CADM2: variants seen among roughly 807,000 people sequenced by gnomAD.
CADM2 encodes immunoglobulin superfamily member 4D.
Under a neutral mutation model 49.8 loss-of-function variants are expected in CADM2, and 12 were observed. The observed-to-expected ratio is 0.24, with a 90% confidence interval of 0.15 to 0.39. The LOEUF (loss-of-function observed/expected upper bound fraction) is 0.39. Ranked by LOEUF, CADM2 falls within the 10% of genes least tolerant of loss-of-function variation. CADM2 has a pLI of 1.00. For synonymous variants in CADM2, 214 were observed against 175.4 expected (o/e 1.22, Z -1.74); for missense variants, 378 against 492.3 (o/e 0.77, Z 2.20).
chr3:85,197,468 T>C (rs1033291613), intron 1 of CADM2, among the ~76,000 whole-genome samples: 5 of 151,982 alleles, frequency 3.3e-5, no homozygotes, highest in Non-Finnish European at 4.4e-5. Flanking sequence ...AAATACACTA[T>C]CTGAGATATC....
intron 1 of CADM2, among the ~76,000 whole-genome samples, chr3:85,571,647 C>T (rs2107246031): frequency 6.6e-6 from 1 of 152,176 alleles, no homozygotes; most frequent in East Asian, 1.9e-4. Context: ...CTAAGCTAAA[C>T]TTATTTTTCT....
intron 1 of CADM2, among the ~76,000 whole-genome samples, chr3:85,134,969 T>A (rs2039369973): frequency 6.6e-6 from 1 of 152,020 alleles, no homozygotes; most frequent in African/African-American, 2.4e-5. Context: ...ATGGAATGGA[T>A]TATACTTGTT....
chr3:85,525,130 G>C (rs1048570459), intron 1 of CADM2, among the ~76,000 whole-genome samples: 1 of 152,044 alleles, frequency 6.6e-6, no homozygotes, highest in Non-Finnish European at 1.5e-5. Flanking sequence ...CGTTCTGCAC[G>C]TGTATCCCAG....
chr3:84,981,627 T>G (rs1434707890), intron 1 of CADM2, among the ~76,000 whole-genome samples: 3 of 152,042 alleles, frequency 2.0e-5, no homozygotes, highest in Admixed American at 6.6e-5. Flanking sequence ...CTATCTTTCT[T>G]TCCTTTCCTC....
intron 5 of CADM2, among the ~76,000 whole-genome samples, chr3:85,888,801 C>A (rs942806661): frequency 2.4e-4 from 36 of 152,202 alleles, no homozygotes; most frequent in African/African-American, 6.5e-4. Context: ...ATATGCTAAG[C>A]AAAATTTCAC....
chr3:85,798,104 G>A (rs924746485), intron 2 of CADM2, among the ~76,000 whole-genome samples: 1 of 151,990 alleles, frequency 6.6e-6, no homozygotes, highest in Non-Finnish European at 1.5e-5. Flanking sequence ...CTTTTTGATG[G>A]GGTCGTTTGT....
chr3:84,993,595 G>T (rs1413650916), intron 1 of CADM2, among the ~76,000 whole-genome samples: 1 of 152,078 alleles, frequency 6.6e-6, no homozygotes, highest in Non-Finnish European at 1.5e-5. Context: ...AAAAGGGTTT[G>T]TTTTTTCCAC....
intron 1 of CADM2, among the ~76,000 whole-genome samples, chr3:85,624,514 G>A (rs569223887): frequency 2.0e-5 from 3 of 151,990 alleles, no homozygotes; most frequent in East Asian, 3.9e-4. Context: ...TGTATTTTTG[G>A]TAGAAGTGGG....
chr3:84,974,273 G>A (rs1193293496), intron 1 of CADM2, among the ~76,000 whole-genome samples: 3 of 151,666 alleles, frequency 2.0e-5, no homozygotes, highest in African/African-American at 7.3e-5. Context: ...AATGATGGTG[G>A]TCTAGCATTT....
intron 1 of CADM2, among the ~76,000 whole-genome samples, chr3:85,562,693 T>TG (rs1462522720): frequency 6.6e-6 from 1 of 152,016 alleles, no homozygotes; most frequent in Non-Finnish European, 1.5e-5. Flanking sequence ...TCTTTGGAGA[T>TG]GGGGGGAGCT....
At chr3:85,949,053 A>G (rs755129031) in intron 7 of CADM2, among the ~76,000 whole-genome samples, 12 of 151,478 alleles carry the variant, frequency 7.9e-5, no homozygotes, top group Non-Finnish European at 1.5e-4. Context: ...ACCATGCAGA[A>G]ACAACATTGA....
At chr3:85,421,157 C>T (rs1484630237) in intron 1 of CADM2, among the ~76,000 whole-genome samples, 1 of 152,104 alleles carries the variant, frequency 6.6e-6, no homozygotes, top group Non-Finnish European at 1.5e-5. Flanking sequence ...GAATTTTAGG[C>T]TGCAAGACAG....
chr3:85,432,105 A>AG (rs201116017), intron 1 of CADM2, among the ~76,000 whole-genome samples: 1,741 of 151,588 alleles, frequency 0.011, 38 homozygotes, highest in African/African-American at 0.04. Context: ...GATTGAAAAA[A>AG]CAAAAGAGAT....
intron 2 of CADM2, among the ~76,000 whole-genome samples, chr3:85,748,340 T>TA (rs35598935): frequency 9.2e-4 from 137 of 149,692 alleles, no homozygotes; most frequent in African/African-American, 2.8e-3. Flanking sequence ...GACATCCATT[T>TA]AAAAAAAAAA....
At chr3:85,495,831 G>C (rs1446026749) in intron 1 of CADM2, among the ~76,000 whole-genome samples, 1 of 151,912 alleles carries the variant, frequency 6.6e-6, no homozygotes, top group African/African-American at 2.4e-5. Context: ...TGCAAAGACC[G>C]CACAAGCCAT....
At position 85,515,799 on chromosome 3, in the gene CADM2, C is replaced by T. The variant is rs113467952; in HGVS notation, c.62-210723C>T. On this transcript the variant is annotated intron_variant, in intron 1 of 9. Transcript: ENST00000383699. The stretch of plus-strand genomic sequence containing the variant: ...GCCCTAAGTGTTTCTTTGAAACAGG[C>T]TAAATATGCCATCCCCTCCTTAAAG... 3.1e-3 allele frequency among the ~76,000 whole-genome samples: 476 copies of T among 151,548 alleles called. 3 individuals are homozygous for T. The highest frequency in any genetic ancestry group is 0.01 in the African/African-American group (414 of 41,320).
intron 7 of CADM2, among the ~76,000 whole-genome samples, chr3:85,961,114 A>C (rs1724756110): frequency 6.7e-6 from 1 of 149,662 alleles, no homozygotes; most frequent in Non-Finnish European, 1.5e-5. Flanking sequence ...AATACATCTG[A>C]GGAAGATTTG....
chr3:85,160,850 A>G (rs2107667084), intron 1 of CADM2, among the ~76,000 whole-genome samples: 1 of 152,336 alleles, frequency 6.6e-6, no homozygotes, highest in Non-Finnish European at 1.5e-5. Context: ...TGTAGAGGAA[A>G]TAAATATTAC....
chr3:85,378,320 C>G (rs1223807702), intron 1 of CADM2, among the ~76,000 whole-genome samples: 1 of 151,994 alleles, frequency 6.6e-6, no homozygotes, highest in Non-Finnish European at 1.5e-5. Context: ...TGTTTGGCAC[C>G]TAAATATCTT....
Sources: allele counts gnomAD v4.1 joint callset (sites outside exome capture counted in the v4.1 genomes callset), GRCh38; gene constraint gnomAD v4.1.1; transcripts MANE v1.5; gene names NCBI Gene and HGNC (gene_info 2026-07-23, HGNC 2026-07-21).